SAMD5: variants seen among roughly 807,000 people sequenced by gnomAD.
SAMD5 encodes the protein sterile alpha motif domain-containing protein 5.
In SAMD5, 13 loss-of-function variants were observed where a neutral mutation model predicts 11.3. That is an observed-to-expected ratio of 1.15 (90% CI 0.75 to 1.83). The LOEUF is 1.83. Ranked by LOEUF, SAMD5 falls within the 40% of genes most tolerant of loss-of-function variation. The probability of loss-of-function intolerance (pLI) is 0.00; values close to 1 mark genes in which losing one functional copy is unlikely to be tolerated. For synonymous variants in SAMD5, 129 were observed against 111.3 expected, an observed-to-expected ratio of 1.16 and a Z score of -1.00; for missense variants, 255 against 239.1, an observed-to-expected ratio of 1.07 and a Z score of -0.44.
At chr6:147,678,569 G>A (rs1043413016) in intron 1 of SAMD5, among the ~76,000 whole-genome samples, 7 of 152,024 alleles carry the variant, frequency 4.6e-5, no homozygotes, top group South Asian at 2.1e-4. Flanking sequence ...CTCTTTTCTG[G>A]TAGGCAGAAA....
intron 1 of SAMD5, among the ~76,000 whole-genome samples, chr6:147,663,576 G>A (rs145615151): frequency 0.015 from 2,323 of 151,902 alleles, 55 homozygotes; most frequent in African/African-American, 0.053. Context: ...CCTGAAGTCA[G>A]GAGTTCAAGA....
intron 1 of SAMD5, among the ~76,000 whole-genome samples, chr6:147,689,050 C>CT (rs139996682): frequency 0.11 from 17,405 of 152,110 alleles, 1,074 homozygotes; most frequent in Middle Eastern, 0.16. Context: ...GAAGTAGGCT[C>CT]TTTTCAGGAT....
chr6:147,556,572 T>G (rs1583081334), intron 1 of SAMD5, among the ~76,000 whole-genome samples: 1 of 152,288 alleles, frequency 6.6e-6, no homozygotes, highest in East Asian at 1.9e-4. Context: ...GATACAACAT[T>G]GCAGTGTTCT....
chr6:147,569,687 A>C lies in SAMD5; in HGVS notation c.*5231A>C. 2 of 985,314 alleles carry C rather than the reference A, an allele frequency of 2.0e-6. No homozygotes were observed. Among genetic ancestry groups the C allele is most frequent in the Non-Finnish European group, 2.4e-6 (2 of 829,832 alleles). The allele number at this position is 985,314 out of a possible 1,614,324, so 61.0% of individuals were successfully genotyped here. A position where few individuals can be genotyped will look rare whatever the true frequency, so the allele number is the denominator to read the frequency against. On this transcript the variant is annotated 3_prime_UTR_variant, in exon 2 of 2. Coordinates refer to ENST00000367474, the MANE Select transcript of SAMD5 (RefSeq NM_001030060.3). ...CTGTTCCCCAAGCTTGTCAATGTTT[A>C]GAGATACTATTCGGGTTGCTAAAGC...
downstream of SAMD5, among the ~76,000 whole-genome samples, chr6:147,574,084 C>T (rs112832625): frequency 0.039 from 5,883 of 151,412 alleles, 396 homozygotes; most frequent in African/African-American, 0.13. Context: ...GCTGAGATCG[C>T]GCCACTGCAC....
intron 1 of SAMD5, among the ~76,000 whole-genome samples, chr6:147,527,675 C>T (rs193035519): frequency 6.6e-6 from 1 of 152,164 alleles, no homozygotes; most frequent in African/African-American, 2.4e-5. Context: ...CCAGCATTAA[C>T]TGAAAGGTCC....
the SAMD5 span, among the ~76,000 whole-genome samples, chr6:147,911,170 T>A: frequency 6.6e-6 from 1 of 152,228 alleles, no homozygotes; most frequent in Non-Finnish European, 1.5e-5. Context: ...TCTATTTTCC[T>A]TAAAGTGTCC....
the SAMD5 span, among the ~76,000 whole-genome samples, chr6:147,824,873 A>T: frequency 3.3e-5 from 5 of 152,196 alleles, no homozygotes; most frequent in Admixed American, 6.5e-5. Flanking sequence ...TCCAGGCATC[A>T]TGCAAAGCAA....
the SAMD5 span, among the ~76,000 whole-genome samples, chr6:147,837,901 C>T: frequency 6.6e-6 from 1 of 152,104 alleles, no homozygotes; most frequent in African/African-American, 2.4e-5. Flanking sequence ...CCAAATTCAC[C>T]TAGCAGTGAA....
chr6:147,867,279 G>GTT, the SAMD5 span, among the ~76,000 whole-genome samples: 8 of 115,368 alleles, frequency 6.9e-5, no homozygotes, highest in Admixed American at 8.9e-5. Context: ...GGTCAAAAAG[G>GTT]TTTTTTTTTT....
At chr6:147,626,938 CTCT>C (rs1347437483) in intron 1 of SAMD5, among the ~76,000 whole-genome samples, 1 of 151,880 alleles carries the variant, frequency 6.6e-6, no homozygotes, top group Non-Finnish European at 1.5e-5. Context: ...TATTCTATTC[CTCT>C]TCTTCTTCCT....
intron 1 of SAMD5, among the ~76,000 whole-genome samples, chr6:147,538,462 A>G (rs73580694): frequency 0.038 from 5,730 of 152,292 alleles, 345 homozygotes; most frequent in African/African-American, 0.13. Context: ...CTGTTTCTCC[A>G]GTTGTCTTAA....
At chr6:147,789,278 AACACACACACACAC>A in the SAMD5 span, among the ~76,000 whole-genome samples, 5,763 of 141,168 alleles carry the variant, frequency 0.041, 370 homozygotes, top group African/African-American at 0.13. Context: ...TCTCTAGAAA[AACACACACACACAC>A]ACACACACAC....
At chr6:147,554,915 T>G (rs982866812) in intron 1 of SAMD5, among the ~76,000 whole-genome samples, 1 of 152,182 alleles carries the variant, frequency 6.6e-6, no homozygotes, top group South Asian at 2.1e-4. Context: ...AAGGTAATAA[T>G]TATTGCATAA....
chr6:147,781,799 C>T, the SAMD5 span, among the ~76,000 whole-genome samples: 79 of 150,816 alleles, frequency 5.2e-4, no homozygotes, highest in Non-Finnish European at 7.4e-4. Flanking sequence ...CACACACACA[C>T]ACACACACAC....
At chr6:147,827,277 G>A in the SAMD5 span, among the ~76,000 whole-genome samples, 1 of 151,616 alleles carries the variant, frequency 6.6e-6, no homozygotes, top group South Asian at 2.1e-4. Context: ...AAACTTGTTC[G>A]TTGCACACAC....
At chr6:147,528,190 C>T (rs1788374542) in intron 1 of SAMD5, among the ~76,000 whole-genome samples, 1 of 152,168 alleles carries the variant, frequency 6.6e-6, no homozygotes, top group African/African-American at 2.4e-5. Flanking sequence ...CACTCAGGAA[C>T]CGGATAAACC....
chr6:147,519,822 G>A (rs1240883988), intron 1 of SAMD5, among the ~76,000 whole-genome samples: 1 of 152,204 alleles, frequency 6.6e-6, no homozygotes, highest in Admixed American at 6.5e-5. Context: ...TTAACATGCA[G>A]CAATTAGCAT....
the SAMD5 span, among the ~76,000 whole-genome samples, chr6:147,860,355 A>G: frequency 2.6e-5 from 4 of 152,252 alleles, no homozygotes; most frequent in African/African-American, 9.6e-5. Context: ...ATTTCCAAAT[A>G]AGATCACATT....
Sources: gnomAD v4.1 joint callset for allele counts (sites outside exome capture counted in the v4.1 genomes callset) on GRCh38, gnomAD v4.1.1 for gene constraint, MANE v1.5 for transcripts, NCBI Gene and HGNC (gene_info 2026-07-23, HGNC 2026-07-21) for gene names.